The following ARID1B variants were observed in gnomAD, a reference collection of about 807,000 sequenced individuals.
The protein encoded by ARID1B is AT-rich interactive domain-containing protein 1B.
Under a neutral mutation model 212.3 loss-of-function variants are expected in ARID1B, and 30 were observed. The ratio of observed to expected loss-of-function variants is 0.14; its 90% CI spans 0.11 to 0.19. ARID1B has a LOEUF of 0.19. ARID1B is among the 10% of genes least tolerant of loss of function. ARID1B has a pLI of 1.00. For missense variants in ARID1B, 2,891 were observed against 3,204.0 expected (o/e 0.90, Z 2.36); for synonymous variants, 1,402 against 1,301.7 (o/e 1.08, Z -1.66).
At chr6:157,000,101 G>T (rs10485200) in intron 4 of ARID1B, among the ~76,000 whole-genome samples, 1 of 151,884 alleles carries the variant, frequency 6.6e-6, no homozygotes, top group Non-Finnish European at 1.5e-5. Flanking sequence ...CCTAGGCAAG[G>T]GTTTGACAAG....
intron 1 of ARID1B, among the ~76,000 whole-genome samples, chr6:156,800,229 G>A (rs192380640): frequency 5.3e-5 from 8 of 152,282 alleles, no homozygotes; most frequent in African/African-American, 1.9e-4. Context: ...AGCATTAAAA[G>A]TATACTCTGA....
intron 4 of ARID1B, among the ~76,000 whole-genome samples, chr6:156,945,882 C>T (rs1201719710): frequency 6.6e-6 from 1 of 151,442 alleles, no homozygotes; most frequent in Non-Finnish European, 1.5e-5. Context: ...GTAGGGCATG[C>T]CTGTGGTCTG....
intron 4 of ARID1B, among the ~76,000 whole-genome samples, chr6:156,946,381 AAAAT>A (rs1793147151): frequency 6.6e-6 from 1 of 151,854 alleles, no homozygotes; most frequent in East Asian, 1.9e-4. Flanking sequence ...CAAAAAATAA[AAAAT>A]AAATAATAAA....
intron 3 of ARID1B, among the ~76,000 whole-genome samples, chr6:156,918,594 A>G (rs908107247): frequency 6.6e-6 from 1 of 152,214 alleles, no homozygotes; most frequent in African/African-American, 2.4e-5. Flanking sequence ...TCTTCTTGCT[A>G]CAGTTGTCTC....
intron 1 of ARID1B, among the ~76,000 whole-genome samples, chr6:156,784,752 A>G (rs1433750451): frequency 6.6e-6 from 1 of 152,134 alleles, no homozygotes; most frequent in African/African-American, 2.4e-5. Flanking sequence ...TTCTTTCCTT[A>G]CATTTAGTTA....
intron 4 of ARID1B, among the ~76,000 whole-genome samples, chr6:157,026,265 G>T (rs915547561): frequency 1.3e-5 from 2 of 152,182 alleles, no homozygotes; most frequent in African/African-American, 4.8e-5. Context: ...ATCATGGAAA[G>T]AGACAAATCA....
At chr6:157,153,246 A>G (rs1180503691) in intron 8 of ARID1B, among the ~76,000 whole-genome samples, 1 of 152,130 alleles carries the variant, frequency 6.6e-6, no homozygotes, top group Non-Finnish European at 1.5e-5. Context: ...CCTCATTTTG[A>G]TCATCAGAGG....
At chr6:156,976,535 A>G (rs1369005428) in intron 4 of ARID1B, 2 of 210,850 alleles carry the variant, frequency 9.5e-6, no homozygotes, top group African/African-American at 4.9e-5. Context: ...GGGAGGATTG[A>G]AAAAAGAACC....
In ARID1B at chr6:156,957,893, A is replaced by G. The variant is rs187469313; in HGVS notation, c.2247+22317A>G. The stretch of plus-strand genomic sequence containing the variant: ...CTTGCTGCCCCTTCCAAGCCCCCCA[A>G]ACAACTGGAGTTCTGTATTCTGCTA... On this transcript the variant is annotated intron_variant, in intron 4 of 19. Transcript: ENST00000636930. Among the ~76,000 whole-genome samples the G allele has an allele frequency of 2.6e-5, 4 of 152,242 alleles. No individual in the cohort carries two copies. The East Asian group carries it at 7.7e-4, about 29-fold the overall frequency.
intron 1 of ARID1B, among the ~76,000 whole-genome samples, chr6:156,810,421 C>A (rs1158352776): frequency 1.3e-5 from 2 of 152,184 alleles, no homozygotes; most frequent in Admixed American, 1.3e-4. Flanking sequence ...GAACTTGCCT[C>A]AGCTCCTGGA....
intron 6 of ARID1B, among the ~76,000 whole-genome samples, chr6:157,125,014 C>G (rs1001743944): frequency 1.3e-5 from 2 of 152,136 alleles, no homozygotes; most frequent in African/African-American, 4.8e-5. Flanking sequence ...TGAAGCAACC[C>G]AGGGGCTACA....
chr6:156,976,402 G>T, intron 4 of ARID1B: 1 of 169,630 alleles, frequency 5.9e-6, no homozygotes, highest in South Asian at 1.4e-4. Context: ...GATGCAGCAC[G>T]GATTATGCGG....
chr6:156,955,916 G>A lies in ARID1B; in HGVS notation c.2247+20340G>A, dbSNP rs955817281. Among the ~76,000 whole-genome samples, 6 of 152,142 alleles carry A rather than the reference G, an allele frequency of 3.9e-5. No homozygotes were observed. Among genetic ancestry groups the A allele is most frequent in the Admixed American group, 2.0e-4 (3 of 15,282 alleles). On this transcript the variant is annotated intron_variant, in intron 4 of 19. Coordinates refer to ENST00000636930, the MANE Select transcript of ARID1B (RefSeq NM_001374828.1). The surrounding 1 kb of genome is among the most constrained non-coding windows in gnomAD (Gnocchi z 4.2). Reference sequence around the variant, plus strand: ...CTGGAGGCCGCTGGTGGTGGAAGCCGCGCCTGTTCTATTTCCTCACCTTCC... The same window carrying A: ...CTGGAGGCCGCTGGTGGTGGAAGCCACGCCTGTTCTATTTCCTCACCTTCC...
At chr6:156,865,769 T>A (rs1562444899) in intron 2 of ARID1B, among the ~76,000 whole-genome samples, 1 of 151,976 alleles carries the variant, frequency 6.6e-6, no homozygotes, top group Non-Finnish European at 1.5e-5. Context: ...CAGGAGCTCT[T>A]TCTGTTCCTC....
intron 4 of ARID1B, among the ~76,000 whole-genome samples, chr6:157,015,169 T>TTC (rs1415819610): frequency 2.6e-5 from 4 of 152,156 alleles, no homozygotes; most frequent in Non-Finnish European, 4.4e-5. Flanking sequence ...AAAGAGTTGA[T>TTC]GAGAGCCTGA....
intron 1 of ARID1B, among the ~76,000 whole-genome samples, chr6:156,789,756 C>T (rs765306643): frequency 7.2e-5 from 11 of 152,194 alleles, no homozygotes; most frequent in Admixed American, 2.0e-4. Context: ...CATTTACTAG[C>T]TGTGTGACCT....
chr6:156,806,671 G>A (rs1380663628), intron 1 of ARID1B, among the ~76,000 whole-genome samples: 3 of 152,184 alleles, frequency 2.0e-5, no homozygotes, highest in African/African-American at 7.2e-5. Flanking sequence ...TTCAAACCAG[G>A]TTTTGTGACC....
rs867224927 is a variant in ARID1B, at chr6:156,921,470, C to T, written c.2137-13996C>T. Among the ~76,000 whole-genome samples, 304 of 148,676 alleles carry T rather than the reference C, an allele frequency of 2.0e-3. 1 individual carries two copies. The highest frequency in any genetic ancestry group is 3.3e-3 in the Non-Finnish European group (224 of 67,400). ...ACACACACACACACACACACACACA[C>T]ACACACACACACACACACACACAAA... On this transcript the variant is annotated intron_variant, in intron 3 of 19. Coordinates refer to ENST00000636930, the MANE Select transcript of ARID1B (RefSeq NM_001374828.1).
chr6:156,954,258 C>T (rs923194154), intron 4 of ARID1B, among the ~76,000 whole-genome samples: 15 of 151,306 alleles, frequency 9.9e-5, no homozygotes, highest in African/African-American at 3.4e-4. Context: ...TCTTTGGTTT[C>T]AAGTTTCTAG....
Sources: gnomAD v4.1 joint callset for allele counts (sites outside exome capture counted in the v4.1 genomes callset) on GRCh38, gnomAD v4.1.1 for gene constraint, Gnocchi (gnomAD v3.1) non-coding constraint, MANE v1.5 for transcripts, NCBI Gene and HGNC (gene_info 2026-07-23, HGNC 2026-07-21) for gene names.